Variants in PLCD4 observed in about 807,000 individuals in gnomAD.
PLCD4 encodes 1-phosphatidylinositol 4,5-bisphosphate phosphodiesterase delta-4.
A neutral mutation model predicts 90.2 loss-of-function variants in PLCD4; 63 were observed. The observed-to-expected ratio is 0.70, with a 90% CI of 0.57 to 0.86. The LOEUF is 0.86. Ranked by LOEUF, PLCD4 falls within the 40% of genes least tolerant of loss-of-function variation. The pLI, the probability that PLCD4 is intolerant of heterozygous loss-of-function variation, is 0.00. For synonymous variants in PLCD4, 294 were observed against 356.5 expected, an observed-to-expected ratio of 0.82 and a Z score of 1.97; for missense variants, 830 against 956.3, an observed-to-expected ratio of 0.87 and a Z score of 1.74.
intron 1 of PLCD4, 60 bp downstream of exon 1, chr2:218,608,130 A>G (rs1026942724): frequency 3.3e-5 from 5 of 152,252 alleles, no homozygotes; most frequent in African/African-American, 1.2e-4. Flanking sequence ...CTGAGTCCCT[A>G]CCTCTGCCCT....
At chr2:218,627,378 G>C (rs1696162317) in intron 6 of PLCD4, among the ~76,000 whole-genome samples, 1 of 151,802 alleles carries the variant, frequency 6.6e-6, no homozygotes, top group East Asian at 1.9e-4. Context: ...TGTGGCTAGA[G>C]GCTACTATAT....
chr2:218,608,995 G>A (rs903085382), intron 1 of PLCD4, among the ~76,000 whole-genome samples: 3 of 151,884 alleles, frequency 2.0e-5, no homozygotes, highest in Non-Finnish European at 4.4e-5. Context: ...AAAATTAGCC[G>A]GGCGAGGTGG....
chr2:218,617,109 C>T (rs1202856461), intron 3 of PLCD4, among the ~76,000 whole-genome samples: 1 of 143,564 alleles, frequency 7.0e-6, no homozygotes, highest in Non-Finnish European at 1.5e-5. Flanking sequence ...GGACTACAGG[C>T]ACCCGCCACC....
At chr2:218,615,838 C>G in intron 2 of PLCD4, 66 bp from the exon 3 acceptor site, 1 of 1,605,046 alleles carries the variant, frequency 6.2e-7, no homozygotes, top group Non-Finnish European at 8.5e-7. Flanking sequence ...GACCCCTGTT[C>G]CAGAGCTCTC....
chr2:218,627,030 G>T (rs1209896470), intron 6 of PLCD4, among the ~76,000 whole-genome samples: 2 of 151,988 alleles, frequency 1.3e-5, no homozygotes, highest in East Asian at 1.9e-4. Flanking sequence ...AAGGCAGGCG[G>T]ATCACGAGGT....
chr2:218,611,669 G>T (rs979079532), intron 1 of PLCD4, among the ~76,000 whole-genome samples: 12 of 152,286 alleles, frequency 7.9e-5, no homozygotes, highest in Admixed American at 7.8e-4. Context: ...TGCAATCTCG[G>T]CTCACTGCAA....
chr2:218,610,190 T>C (rs920503346), intron 1 of PLCD4, among the ~76,000 whole-genome samples: 2 of 151,048 alleles, frequency 1.3e-5, no homozygotes, highest in Non-Finnish European at 1.5e-5. Flanking sequence ...AGGTCAGGCA[T>C]GGGATAGGGA....
chr2:218,622,683 G>A lies in PLCD4; in HGVS notation c.577G>A (p.Glu193Lys), dbSNP rs200241287. The A allele has an allele frequency of 8.1e-6, 13 of 1,613,992 alleles. No homozygotes were observed. The highest frequency in any genetic ancestry group is 1.1e-5 in the Non-Finnish European group (13 of 1,179,890). Residue 193 changes from glutamate (E) to lysine (K), a missense_variant, in exon 6 of 16, where the codon GAA (glutamate) becomes AAA (lysine). Transcript: ENST00000450993. ...DTSQSGTLEGEEFVQFYKALT... is the reference protein window; with the variant it reads ...DTSQSGTLEGKEFVQFYKALT... The stretch of plus-strand genomic sequence containing the variant: ...GTCCCAGTCTGGAACCCTGGAAGGA[G>A]AAGAATTCGTACAGTTCTATAAGGC...
intron 8 of PLCD4, 96 bp from the exon 9 acceptor site, chr2:218,630,554 G>A: frequency 3.6e-6 from 5 of 1,382,006 alleles, no homozygotes; most frequent in Non-Finnish European, 5.1e-6. Context: ...ACTCATCTGA[G>A]TGAGTAAGTA....
chr2:218,625,124 AAAAAAAAAG>A (rs1173298364), intron 6 of PLCD4, among the ~76,000 whole-genome samples: 4 of 150,214 alleles, frequency 2.7e-5, no homozygotes, highest in East Asian at 1.9e-4. Flanking sequence ...CAAAAAAAAA[AAAAAAAAAG>A]AAAGAAAGAA....
At chr2:218,610,369 G>A (rs964800381) in intron 1 of PLCD4, among the ~76,000 whole-genome samples, 3 of 151,728 alleles carry the variant, frequency 2.0e-5, no homozygotes, top group African/African-American at 4.8e-5. Flanking sequence ...TTAGCCAGGC[G>A]TGGTGGCACA....
chr2:218,610,900 G>A (rs192905525), intron 1 of PLCD4, among the ~76,000 whole-genome samples: 10 of 152,166 alleles, frequency 6.6e-5, no homozygotes, highest in Admixed American at 4.6e-4. Flanking sequence ...GCTAATTTTT[G>A]TATTTTTAGT....
At chr2:218,611,075 G>A (rs1208673970) in intron 1 of PLCD4, among the ~76,000 whole-genome samples, 2 of 152,084 alleles carry the variant, frequency 1.3e-5, no homozygotes, top group Non-Finnish European at 1.5e-5. Flanking sequence ...AAATGACTCT[G>A]GCACTAATTC....
At chr2:218,616,437 A>C (rs951699080) in intron 3 of PLCD4, among the ~76,000 whole-genome samples, 1 of 152,150 alleles carries the variant, frequency 6.6e-6, no homozygotes, top group African/African-American at 2.4e-5. Context: ...ATGGCTGGGC[A>C]TGGTGGCTCA....
chr2:218,634,021 G>C lies in PLCD4; in HGVS notation c.1607-84G>C. On this transcript the variant is annotated intron_variant, in intron 11 of 15. Coordinates refer to ENST00000450993, the MANE Select transcript of PLCD4 (RefSeq NM_032726.4). This position sits in a 1 kb window ranked among gnomAD's most constrained non-coding sequence, Gnocchi z 4.0. ...GCCAGCTTCAGATGCTGGAGAGAAGGGTGAAGAGTAGGCATGGTCCTTGGG... is the reference window on the plus strand; with the variant it reads ...GCCAGCTTCAGATGCTGGAGAGAAGCGTGAAGAGTAGGCATGGTCCTTGGG... 1 of 1,508,062 alleles carries C rather than the reference G, an allele frequency of 6.6e-7. No individual in the cohort carries two copies. Among genetic ancestry groups the C allele is most frequent in the Non-Finnish European group, 9.0e-7 (1 of 1,115,534 alleles). 93.4% of individuals were successfully genotyped at this position (1,508,062 alleles called of 1,614,324 possible).
intron 1 of PLCD4, chr2:218,609,546 ATGTCATCCTC>A (rs1685791466): frequency 2.0e-5 from 3 of 152,282 alleles, no homozygotes; most frequent in South Asian, 2.1e-4. Flanking sequence ...TTATTATCAG[ATGTCATCCTC>A]TGTGTTTTTC....
In PLCD4 at chr2:218,636,476, C is replaced by T. The variant is rs370527020; in HGVS notation, c.2188C>T (p.Arg730Cys). 40 of 1,614,002 alleles carry T rather than the reference C, an allele frequency of 2.5e-5. No individual in the cohort carries two copies. Among genetic ancestry groups the T allele is most frequent in the Middle Eastern group, 1.6e-4 (1 of 6,062 alleles). Reference protein sequence around the residue: ...LPWTCMQQGYRHIHLLSKDGI... With the variant: ...LPWTCMQQGYCHIHLLSKDGI... ...TGTCCTCCTGCCCCTTCCAGGTTAC[C>T]GCCACATTCACCTGCTGTCCAAAGA... Residue 730 changes from arginine (R) to cysteine (C), a missense_variant, in exon 16 of 16, where the codon CGC (arginine) becomes TGC (cysteine). By Grantham distance (180) the Arg-to-Cys change is radical. Coordinates refer to ENST00000450993, the MANE Select transcript of PLCD4 (RefSeq NM_032726.4).
intron 6 of PLCD4, among the ~76,000 whole-genome samples, chr2:218,627,060 T>C (rs570982630): frequency 6.6e-6 from 1 of 151,660 alleles, no homozygotes; most frequent in Non-Finnish European, 1.5e-5. Flanking sequence ...GAGACCATCC[T>C]GGCTAACACG....
At position 218,623,746 on chromosome 2, in the gene PLCD4, G is replaced by A. The variant is rs534281193; in HGVS notation, c.772+868G>A. Among the ~76,000 whole-genome samples the A allele has an allele frequency of 3.5e-4, 54 of 152,260 alleles. No homozygotes were observed. The South Asian group carries it at 8.7e-3, about 25-fold the overall frequency. ...TGCCCAGACTGGAGTGCAATGGCACGATCTCGGCCCACCACAACCTCTGCC... is the reference window on the plus strand; with the variant it reads ...TGCCCAGACTGGAGTGCAATGGCACAATCTCGGCCCACCACAACCTCTGCC... On this transcript the variant is annotated intron_variant, in intron 6 of 15. Coordinates refer to ENST00000450993, the MANE Select transcript of PLCD4 (RefSeq NM_032726.4).
Sources: gnomAD v4.1 joint callset for allele counts (sites outside exome capture counted in the v4.1 genomes callset) on GRCh38, gnomAD v4.1.1 for gene constraint, Gnocchi (gnomAD v3.1) non-coding constraint, MANE v1.5 for transcripts, NCBI Gene and HGNC (gene_info 2026-07-23, HGNC 2026-07-21) for gene names.